The following MYH2 variants were observed in gnomAD, a reference collection of about 807,000 sequenced individuals.
MYH2 encodes the protein myosin heavy chain 2, also known as myosin-2.
Under a neutral mutation model 228.1 loss-of-function variants are expected in MYH2, and 139 were observed. The ratio of observed to expected loss-of-function variants is 0.61; its 90% CI spans 0.53 to 0.70. The LOEUF (loss-of-function observed/expected upper bound fraction) is 0.70. Ranked by LOEUF, MYH2 falls within the 30% of genes least tolerant of loss-of-function variation. The pLI is 0.00. For missense variants in MYH2, 1,809 were observed against 2,357.5 expected (o/e 0.77, Z 4.82); for synonymous variants, 796 against 871.1 (o/e 0.91, Z 1.52).
rs769880862 is a variant in MYH2 at position 10,537,877 on chromosome 17, A to G, written c.1417-42T>C. ...GTTTACTTCTCTCTTAAGCAAATTG[A>G]GTATTTTTTAAAATACAGAACTTTT... On this transcript the variant is annotated intron_variant, in intron 14 of 39. Coordinates refer to ENST00000245503, the MANE Select transcript of MYH2 (RefSeq NM_017534.6). This position sits in a 1 kb window ranked among gnomAD's most constrained non-coding sequence, Gnocchi z 4.0. The G allele has an allele frequency of 1.2e-6, 2 of 1,614,106 alleles. No individual in the cohort carries two copies. Among genetic ancestry groups the G allele is most frequent in the Middle Eastern group, 1.7e-4 (1 of 6,060 alleles).
At chr17:10,548,355 A>C (rs1035610811) in intron 2 of MYH2, among the ~76,000 whole-genome samples, 1 of 152,132 alleles carries the variant, frequency 6.6e-6, no homozygotes, top group Non-Finnish European at 1.5e-5. Flanking sequence ...ACTTTGAAAA[A>C]GAGGTTTAAA....
intron 39 of MYH2, 28 bp downstream of exon 39, chr17:10,523,062 T>C: frequency 6.7e-7 from 1 of 1,494,290 alleles, no homozygotes; most frequent in South Asian, 1.1e-5. Flanking sequence ...TAGCTTAATT[T>C]GAGGACTTCA....
At chr17:10,545,742 G>A (rs1044343821) in intron 4 of MYH2, among the ~76,000 whole-genome samples, 1 of 151,988 alleles carries the variant, frequency 6.6e-6, no homozygotes, top group African/African-American at 2.4e-5. Context: ...TTTTGTACGT[G>A]CTTTTTGTAG....
rs1292404393 is a variant in MYH2 at position 10,542,891 on chromosome 17, C to T, written c.888G>A (p.Lys296=). The change falls in exon 10 of 40, where the codon AAG becomes AAA. Residue 296 remains lysine, a synonymous_variant. Transcript: ENST00000245503. The part of the protein sequence containing the change: ...YHIFYQITSN[K]KPELIEMLLI... The stretch of plus-strand genomic sequence containing the variant: ...ATTTCTTACCAATAAGTTCTGGTTT[C>T]TTATTCGATGTAATCTGGTAAAAAA... 1 of 1,606,008 alleles carries T rather than the reference C, an allele frequency of 6.2e-7. No individual in the cohort carries two copies. The highest frequency in any genetic ancestry group is 2.2e-5 in the East Asian group (1 of 44,696).
Position 10,543,253 on chromosome 17 carries a change from A to T in MYH2, c.742-92T>A, listed in dbSNP as rs1001755627. 6.2e-6 allele frequency: 6 copies of T among 967,276 alleles called. No homozygotes were observed. The African/African-American group carries it at 1.0e-4, about 16-fold the overall frequency. The allele number at this position is 967,276 out of a possible 1,614,324, so 59.9% of individuals were successfully genotyped here. A position where few individuals can be genotyped will look rare whatever the true frequency, so the allele number is the denominator to read the frequency against. On this transcript the variant is annotated intron_variant, in intron 8 of 39. Coordinates refer to ENST00000245503, the MANE Select transcript of MYH2 (RefSeq NM_017534.6). ...CATTTGATGCTGGTACTTTAATATT[A>T]AATCAATTCAGAGAGTATTTGCATC...
intron 27 of MYH2, among the ~76,000 whole-genome samples, chr17:10,528,108 A>T (rs529757379): frequency 7.2e-6 from 1 of 138,854 alleles, no homozygotes; most frequent in South Asian, 2.3e-4. Context: ...CAGTGGCGTG[A>T]TCTCGACTCA....
rs369080412 is a variant in MYH2, at chr17:10,530,035, G to C, written c.2737C>G (p.Gln913Glu). 1 of 1,613,984 alleles carries C rather than the reference G, an allele frequency of 6.2e-7. No homozygotes were observed. Reference sequence around the variant, plus strand: ...AGCTGGATTTTGGTTTTGATTAGCTGGTCACACCTTTCCTCTGCATCAGCC... The same window carrying C: ...AGCTGGATTTTGGTTTTGATTAGCTCGTCACACCTTTCCTCTGCATCAGCC... Reference protein sequence around the residue: ...GLADAEERCDQLIKTKIQLEA... With the variant: ...GLADAEERCDELIKTKIQLEA... Residue 913 changes from glutamine to glutamate, a missense_variant, in exon 23 of 40, where the codon CAG (glutamine) becomes GAG (glutamate). By Grantham distance (29) the Gln-to-Glu change is conservative. This residue lies in a region of MYH2 where 43 missense variants were observed against 89.2 expected (regional missense o/e 0.48). Coordinates refer to ENST00000245503, the MANE Select transcript of MYH2 (RefSeq NM_017534.6).
Position 10,531,637 on chromosome 17 carries a change from T to G in MYH2, c.2693A>C (p.Gln898Pro). The stretch of plus-strand genomic sequence containing the variant: ...AAGGGTGATATTCCAACTCACAGCC[T>G]GAACTTGGAGCTGCAAGTCATTTTT... ...KEKNDLQLQV[Q>P]AEAEGLADAE... The change falls in exon 22 of 40, where the codon CAG (glutamine) becomes CCG (proline). Residue 898 changes from glutamine (Q) to proline (P), a missense_variant. Transcript: ENST00000245503. 6.2e-7 allele frequency: 1 copy of G among 1,614,212 alleles called. No individual in the cohort carries two copies. Among genetic ancestry groups the G allele is most frequent in the East Asian group, 2.2e-5 (1 of 44,876 alleles).
Position 10,533,553 on chromosome 17 carries a change from A to G in MYH2, c.2260T>C (p.Ser754Pro). The G allele has an allele frequency of 1.2e-6, 2 of 1,614,174 alleles. No individual in the cohort carries two copies. The highest frequency in any genetic ancestry group is 1.7e-6 in the Non-Finnish European group (2 of 1,179,992). ...TACTGGGTGTGGTCAATGTCGATGGATGCAAGGAGCTTCTCAGAGGCCTTC... is the reference window on the plus strand; with the variant it reads ...TACTGGGTGTGGTCAATGTCGATGGGTGCAAGGAGCTTCTCAGAGGCCTTC... ...SKKASEKLLA[S>P]IDIDHTQYKF... The change falls in exon 20 of 40, where the codon TCC becomes CCC. Residue 754 changes from serine to proline, a missense_variant. By Grantham distance (74) the Ser-to-Pro change is moderately conservative (BLOSUM62 -1). Transcript: ENST00000245503.
chr17:10,531,497 C>T (rs1484261428), intron 22 of MYH2, 136 bp downstream of exon 22: 36 of 1,217,166 alleles, frequency 3.0e-5, no homozygotes, highest in African/African-American at 6.0e-5. Context: ...TGGACCTTTT[C>T]GTGCCATTGG....
chr17:10,537,505 A>G lies in MYH2; in HGVS notation c.1625T>C (p.Met542Thr). The change falls in exon 16 of 40, where the codon ATG (methionine) becomes ACG (threonine). Residue 542 changes from methionine to threonine, a missense_variant. This residue lies in a region of MYH2 where 373 missense variants were observed against 620.4 expected (regional missense o/e 0.60). Coordinates refer to ENST00000245503, the MANE Select transcript of MYH2 (RefSeq NM_017534.6). The surrounding 1 kb of genome is among the most constrained non-coding windows in gnomAD (Gnocchi z 4.0). ...GIFSILEEEC[M>T]FPKATDTSFK... ...GGAGGTGTCTGTTGCCTTAGGGAAC[A>G]TGCACTCCTCTTCCAGGATGGAGAA... is the stretch of plus-strand genomic sequence containing the variant. 2 of 1,614,248 alleles carry G rather than the reference A, an allele frequency of 1.2e-6. No individual in the cohort carries two copies. The highest frequency in any genetic ancestry group is 1.7e-6 in the Non-Finnish European group (2 of 1,180,044).
rs145438977 is a variant in MYH2 at position 10,526,737 on chromosome 17, C to T, written c.4049G>A (p.Arg1350Gln). 34 of 1,614,084 alleles carry T rather than the reference C, an allele frequency of 2.1e-5. No homozygotes were observed. Among genetic ancestry groups the T allele is most frequent in the African/African-American group, 1.2e-4 (9 of 74,936 alleles). The change falls in exon 30 of 40, where the codon CGG (arginine) becomes CAG (glutamine). Residue 1350 changes from arginine (R) to glutamine (Q), a missense_variant. Transcript: ENST00000245503. ...TTCCTGCTCCTCCTCATACTGTTCC[C>T]GCAGCAGGTCACAGTCGTGGCGGGA... ...QSSRHDCDLL[R>Q]EQYEEEQESK...
intron 5 of MYH2, 60 bp downstream of exon 5, chr17:10,545,286 C>G (rs2073613128): frequency 6.2e-7 from 1 of 1,611,806 alleles, no homozygotes; most frequent in Admixed American, 1.7e-5. Context: ...CCTCGAGTCT[C>G]TTTCTCCTAT....
intron 4 of MYH2, among the ~76,000 whole-genome samples, chr17:10,546,408 A>G (rs1225424759): frequency 1.3e-5 from 2 of 151,608 alleles, no homozygotes; most frequent in Non-Finnish European, 1.5e-5. Context: ...GGTGTTGCCT[A>G]GCTAAATAAC....
In MYH2 at chr17:10,525,906, AG is replaced by A. The variant is rs1475098537; in HGVS notation, c.4188-31del. 1.2e-6 allele frequency: 2 copies of A among 1,609,132 alleles called. No homozygotes were observed. Among genetic ancestry groups the A allele is most frequent in the East Asian group, 4.5e-5 (2 of 44,850 alleles). ...AATATTATACATGTTTTCAGAGAGAAGTGAACCATAATATGAATTATGAGCT... is the reference window on the plus strand; with the variant it reads ...AATATTATACATGTTTTCAGAGAGAATGAACCATAATATGAATTATGAGCT... On this transcript the variant is annotated intron_variant, in intron 30 of 39. Transcript: ENST00000245503. This position sits in a 1 kb window ranked among gnomAD's most constrained non-coding sequence, Gnocchi z 4.2.
In MYH2 at chr17:10,523,793, T is replaced by A; in HGVS notation, c.5267A>T (p.Asn1756Ile). 6.2e-7 allele frequency: 1 copy of A among 1,614,232 alleles called. No individual in the cohort carries two copies. The highest frequency in any genetic ancestry group is 8.5e-7 in the Non-Finnish European group (1 of 1,180,036). ...GGCCTTCTTGGCCTTTTCTTCTGCA[T>A]TGCGGGCTTCCTGGAGAATGTCCTC... ...EMEDILQEAR[N>I]AEEKAKKAIT... The change falls in exon 36 of 40, where the codon AAT (asparagine) becomes ATT (isoleucine). Residue 1756 changes from asparagine (N) to isoleucine (I), a missense_variant. By Grantham distance (149) the Asn-to-Ile change is moderately radical (BLOSUM62 -3). Transcript: ENST00000245503.
chr17:10,526,893 G>C, intron 29 of MYH2, 45 bp downstream of exon 29: 2 of 1,612,770 alleles, frequency 1.2e-6, no homozygotes, highest in Non-Finnish European at 1.7e-6. Context: ...GCTCCATGTA[G>C]AATCAGCTCA....
At position 10,521,311 on chromosome 17, in the gene MYH2, TC is replaced by T; in HGVS notation, c.5794del (p.Glu1932ArgfsTer7). ...QVNKLRVKSR[E>X]VHTKVISEE ...TTCACTTATGACTTTTGTGTGAACC[TC>T]CCGGCTCTTCACCCGCAGTTTGTTC... On this transcript the variant is annotated frameshift_variant, in exon 40 of 40. Transcript: ENST00000245503. LOFTEE classifies it high-confidence loss of function. 4 of 1,614,096 alleles carry T rather than the reference TC, an allele frequency of 2.5e-6. No individual in the cohort carries two copies. Among genetic ancestry groups the T allele is most frequent in the Non-Finnish European group, 2.5e-6 (3 of 1,180,022 alleles).
chr17:10,529,251 T>C lies in MYH2; in HGVS notation c.3265A>G (p.Lys1089Glu). 6.2e-7 allele frequency: 1 copy of C among 1,614,222 alleles called. No homozygotes were observed. The highest frequency in any genetic ancestry group is 1.1e-5 in the South Asian group (1 of 91,080). Residue 1089 changes from lysine (K) to glutamate (E), a missense_variant and splice_region_variant, in exon 26 of 40, where the codon AAA (lysine) becomes GAA (glutamate). Physicochemically the swap from Lys to Glu is moderately conservative, Grantham distance 56 (BLOSUM62 1). This residue lies in a region of MYH2 where 636 missense variants were observed against 729.9 expected (regional missense o/e 0.87). Transcript: ENST00000245503. Reference protein sequence around the residue: ...KQQLDEKLKKKEFEISNLQSK... With the variant: ...KQQLDEKLKKEEFEISNLQSK... ...TGCAGATTGCTGATTTCAAACTCTT[T>C]CCTTTTAGAAAAGTAGCAAAGGACA...
Sources: gnomAD v4.1 joint callset for allele counts (sites outside exome capture counted in the v4.1 genomes callset) on GRCh38, gnomAD v4.1.1 for gene constraint, gnomAD v4.1.1 regional missense constraint, Gnocchi (gnomAD v3.1) non-coding constraint, MANE v1.5 for transcripts, NCBI Gene and HGNC (gene_info 2026-07-23, HGNC 2026-07-21) for gene names.